SUGCT: variants seen among roughly 807,000 people sequenced by gnomAD.
SUGCT encodes the protein succinyl-CoA:glutarate CoA-transferase.
SUGCT carries 41 observed loss-of-function variants against 55.0 expected under a neutral mutation model. The ratio of observed to expected loss-of-function variants is 0.74; its 90% CI spans 0.58 to 0.97. The LOEUF (loss-of-function observed/expected upper bound fraction) is 0.97. SUGCT is among the 50% of genes least tolerant of loss of function. The pLI, the probability that SUGCT is intolerant of heterozygous loss-of-function variation, is 0.00. For synonymous variants in SUGCT, 187 were observed against 200.4 expected (o/e 0.93, Z 0.56); for missense variants, 568 against 547.8 (o/e 1.04, Z -0.37).
At chr7:40,625,874 AT>A (rs1343357909) in intron 12 of SUGCT, among the ~76,000 whole-genome samples, 1 of 152,144 alleles carries the variant, frequency 6.6e-6, no homozygotes, top group Non-Finnish European at 1.5e-5. Context: ...TCCATGAACA[AT>A]TTATTAGGAG....
chr7:40,588,631 T>C (rs923270022), intron 12 of SUGCT, among the ~76,000 whole-genome samples: 5 of 152,230 alleles, frequency 3.3e-5, no homozygotes, highest in Non-Finnish European at 7.3e-5. Flanking sequence ...AAGCATTTCA[T>C]TTGATTCTTT....
chr7:40,482,006 T>C (rs1168557273), intron 11 of SUGCT, among the ~76,000 whole-genome samples: 1 of 152,200 alleles, frequency 6.6e-6, no homozygotes, highest in Non-Finnish European at 1.5e-5. Flanking sequence ...CAATGCCTTG[T>C]ATTTACTAGG....
intron 7 of SUGCT, among the ~76,000 whole-genome samples, chr7:40,258,200 T>C (rs1273021795): frequency 6.6e-6 from 1 of 152,186 alleles, no homozygotes; most frequent in Non-Finnish European, 1.5e-5. Context: ...TACAGTTTTC[T>C]TCTTAAGTTC....
chr7:40,542,727 A>G (rs74644647), intron 12 of SUGCT, among the ~76,000 whole-genome samples: 1,560 of 152,350 alleles, frequency 0.01, 13 homozygotes, highest in Non-Finnish European at 0.016. Flanking sequence ...AATCCCTTCA[A>G]GTAACAAATG....
chr7:40,942,039 G>C, the SUGCT span, among the ~76,000 whole-genome samples: 1 of 152,118 alleles, frequency 6.6e-6, no homozygotes, highest in East Asian at 1.9e-4. Context: ...TATTTTTTAA[G>C]TGCAGCATTT....
intron 8 of SUGCT, among the ~76,000 whole-genome samples, chr7:40,313,732 G>A (rs921408375): frequency 2.0e-5 from 3 of 151,470 alleles, no homozygotes; most frequent in African/African-American, 7.3e-5. Flanking sequence ...CCAGGCTCAG[G>A]TGATCCCCCC....
intron 13 of SUGCT, among the ~76,000 whole-genome samples, chr7:40,753,126 A>C (rs557509473): frequency 6.6e-5 from 10 of 152,338 alleles, no homozygotes; most frequent in Non-Finnish European, 1.0e-4. Context: ...TATCCCAATA[A>C]GAGGCCACAT....
At chr7:41,030,131 G>A in the SUGCT span, among the ~76,000 whole-genome samples, 3 of 152,088 alleles carry the variant, frequency 2.0e-5, no homozygotes, top group Non-Finnish European at 4.4e-5. Flanking sequence ...TTGTATACAC[G>A]TGCCACAGTT....
intron 6 of SUGCT, among the ~76,000 whole-genome samples, chr7:40,222,692 A>T (rs1183303043): frequency 1.3e-5 from 2 of 152,096 alleles, no homozygotes; most frequent in African/African-American, 4.8e-5. Context: ...AAATACAAAA[A>T]TTAGCTGGGT....
intron 6 of SUGCT, among the ~76,000 whole-genome samples, chr7:40,225,131 G>C (rs776945086): frequency 6.6e-6 from 1 of 152,198 alleles, no homozygotes; most frequent in Non-Finnish European, 1.5e-5. Context: ...GCGTTCCCAA[G>C]TTGGATATAG....
the SUGCT span, among the ~76,000 whole-genome samples, chr7:40,917,269 T>C: frequency 6.6e-6 from 1 of 152,232 alleles, no homozygotes; most frequent in Non-Finnish European, 1.5e-5. Flanking sequence ...TTTCTATAAT[T>C]GAAAAATACT....
chr7:40,493,798 C>T (rs1329187630), intron 11 of SUGCT, among the ~76,000 whole-genome samples: 3 of 152,102 alleles, frequency 2.0e-5, no homozygotes, highest in Non-Finnish European at 4.4e-5. Flanking sequence ...TTAATAAAAA[C>T]ATGTGCTTAC....
chr7:40,949,215 G>A, the SUGCT span, among the ~76,000 whole-genome samples: 1 of 152,210 alleles, frequency 6.6e-6, no homozygotes, highest in African/African-American at 2.4e-5. Context: ...GTGATGATGA[G>A]CAGTTTTTCA....
chr7:40,358,674 A>G (rs1221442249), intron 9 of SUGCT, among the ~76,000 whole-genome samples: 3 of 152,060 alleles, frequency 2.0e-5, no homozygotes. Flanking sequence ...AAATTGTGCC[A>G]CTGCACTCCA....
the SUGCT span, among the ~76,000 whole-genome samples, chr7:41,003,586 C>T: frequency 4.6e-5 from 7 of 152,138 alleles, no homozygotes; most frequent in African/African-American, 1.4e-4. Context: ...AAATTTCTAA[C>T]GGTGGCATGG....
At chr7:40,965,575 A>C in the SUGCT span, 2 of 152,242 alleles carry the variant, frequency 1.3e-5, no homozygotes, top group Non-Finnish European at 2.9e-5. Flanking sequence ...CAACATTATG[A>C]ATTCATATTA....
In SUGCT at chr7:40,397,611, A is replaced by G. The variant is rs546779815; in HGVS notation, c.817-51676A>G. Reference sequence around the variant, plus strand: ...AAGTTGCTTTTGTCTTTTGGATAGTATTCATCAAAGGGGAATCTATTATAT... The same window carrying G: ...AAGTTGCTTTTGTCTTTTGGATAGTGTTCATCAAAGGGGAATCTATTATAT... On this transcript the variant is annotated intron_variant, in intron 9 of 13. Coordinates refer to ENST00000335693, the MANE Select transcript of SUGCT (RefSeq NM_001193313.2). Among the ~76,000 whole-genome samples, 42 of 152,322 alleles carry G rather than the reference A, an allele frequency of 2.8e-4. No individual in the cohort carries two copies. In the South Asian group the frequency reaches 3.3e-3, roughly 12 times the overall value.
intron 13 of SUGCT, among the ~76,000 whole-genome samples, chr7:40,821,866 A>G (rs1390970883): frequency 6.6e-6 from 1 of 152,074 alleles, no homozygotes; most frequent in Non-Finnish European, 1.5e-5. Context: ...TAGGGTGTCA[A>G]TTTTAGATCT....
the SUGCT span, among the ~76,000 whole-genome samples, chr7:40,940,380 T>C: frequency 6.6e-6 from 1 of 152,146 alleles, no homozygotes; most frequent in African/African-American, 2.4e-5. Context: ...TTTGGTTCCA[T>C]ATGAATTTTA....
Sources: gnomAD v4.1 joint callset for allele counts (sites outside exome capture counted in the v4.1 genomes callset) on GRCh38, gnomAD v4.1.1 for gene constraint, MANE v1.5 for transcripts, NCBI Gene and HGNC (gene_info 2026-07-23, HGNC 2026-07-21) for gene names.